PIBF1: variants seen among roughly 807,000 people sequenced by gnomAD.
PIBF1 encodes progesterone-induced-blocking factor 1.
A neutral mutation model predicts 112.5 loss-of-function variants in PIBF1; 90 were observed. The observed-to-expected ratio is 0.80, with a 90% CI of 0.67 to 0.95. The LOEUF (loss-of-function observed/expected upper bound fraction) is 0.95, where lower values mean the gene tolerates loss of function less well. Ranked by LOEUF, PIBF1 falls within the 40% of genes least tolerant of loss-of-function variation. PIBF1 has a pLI of 0.00. For missense variants in PIBF1, 915 were observed against 852.3 expected (o/e 1.07, Z -0.92); for synonymous variants, 301 against 288.6 (o/e 1.04, Z -0.44).
At chr13:72,995,908 C>A (rs1242452765) in intron 16 of PIBF1, among the ~76,000 whole-genome samples, 1 of 149,586 alleles carries the variant, frequency 6.7e-6, no homozygotes, top group Non-Finnish European at 1.5e-5. Flanking sequence ...GAGATCTTGC[C>A]ACTGCACTCC....
At chr13:72,986,130 T>G (rs1373729656) in intron 16 of PIBF1, among the ~76,000 whole-genome samples, 1 of 151,896 alleles carries the variant, frequency 6.6e-6, no homozygotes, top group Non-Finnish European at 1.5e-5. Context: ...ACCACTGCAC[T>G]CCAGCCTGGG....
In PIBF1 at chr13:72,961,514, A is replaced by G. The variant is rs147220756; in HGVS notation, c.1834-3760A>G. Among the ~76,000 whole-genome samples, 1,224 of 152,310 alleles carry G rather than the reference A, an allele frequency of 8.0e-3. 14 individuals are homozygous for G. The highest frequency in any genetic ancestry group is 0.028 in the African/African-American group (1,151 of 41,580). On this transcript the variant is annotated intron_variant, in intron 14 of 17. Transcript: ENST00000326291. Reference sequence around the variant, plus strand: ...AGGAAAACAGTAAATCTTTAATGGAACTTTTTAGCAATTATGACAAAAAGA... The same window carrying G: ...AGGAAAACAGTAAATCTTTAATGGAGCTTTTTAGCAATTATGACAAAAAGA...
intron 13 of PIBF1, among the ~76,000 whole-genome samples, chr13:72,920,111 G>C (rs2041237729): frequency 6.6e-6 from 1 of 152,138 alleles, no homozygotes; most frequent in African/African-American, 2.4e-5. Flanking sequence ...TTTAAAAATA[G>C]AGGTTGGTTT....
intron 9 of PIBF1, among the ~76,000 whole-genome samples, chr13:72,853,496 A>C (rs928311666): frequency 6.6e-6 from 1 of 152,100 alleles, no homozygotes; most frequent in Non-Finnish European, 1.5e-5. Context: ...TTACACTTTG[A>C]CTTAATCTGT....
chr13:72,828,186 T>C (rs768970675), intron 8 of PIBF1, among the ~76,000 whole-genome samples: 18 of 152,018 alleles, frequency 1.2e-4, no homozygotes, highest in Non-Finnish European at 2.6e-4. Context: ...TTGAATACAG[T>C]AATGAGCTGA....
chr13:72,816,537 T>C (rs1445194954), intron 5 of PIBF1, among the ~76,000 whole-genome samples: 1 of 151,926 alleles, frequency 6.6e-6, no homozygotes. Flanking sequence ...GTGGCATGCC[T>C]GTAGACCCAG....
At chr13:72,931,740 A>ATATATATATATATATATATG (rs1342426606) in intron 14 of PIBF1, among the ~76,000 whole-genome samples, 14 of 143,660 alleles carry the variant, frequency 9.7e-5, no homozygotes, top group Non-Finnish European at 1.2e-4. Flanking sequence ...ATATATATAT[A>ATATATATATATATATATATG]TATGTATGCA....
chr13:72,953,762 A>G (rs1306380677), intron 14 of PIBF1, among the ~76,000 whole-genome samples: 2 of 152,094 alleles, frequency 1.3e-5, no homozygotes, highest in Admixed American at 1.3e-4. Flanking sequence ...AGGTGTCATA[A>G]TGGGCTGTGC....
intron 10 of PIBF1, among the ~76,000 whole-genome samples, chr13:72,863,776 C>T (rs572937878): frequency 5.4e-4 from 82 of 152,156 alleles, no homozygotes; most frequent in African/African-American, 1.9e-3. Context: ...AATTCAGAAC[C>T]TTGAGAATCC....
intron 16 of PIBF1, among the ~76,000 whole-genome samples, chr13:72,987,723 G>T (rs1452943631): frequency 6.1e-5 from 9 of 148,600 alleles, no homozygotes; most frequent in Admixed American, 4.7e-4. Context: ...TGTTGCCCAG[G>T]CTGGTCTCAA....
intron 10 of PIBF1, among the ~76,000 whole-genome samples, chr13:72,872,363 G>A (rs2039203377): frequency 6.6e-6 from 1 of 152,160 alleles, no homozygotes; most frequent in African/African-American, 2.4e-5. Context: ...TGATTCATGT[G>A]TTAATGAAGG....
chr13:72,871,887 T>C (rs2039181376), intron 10 of PIBF1, among the ~76,000 whole-genome samples: 1 of 152,196 alleles, frequency 6.6e-6, no homozygotes, highest in African/African-American at 2.4e-5. Flanking sequence ...GAATGCTTAT[T>C]TTAATAAAGC....
intron 16 of PIBF1, among the ~76,000 whole-genome samples, chr13:72,997,432 A>G (rs1465382858): frequency 6.6e-6 from 1 of 152,228 alleles, no homozygotes; most frequent in African/African-American, 2.4e-5. Flanking sequence ...CTGCAAGTAT[A>G]TGCATTCTCA....
intron 10 of PIBF1, among the ~76,000 whole-genome samples, chr13:72,884,933 G>A (rs966167734): frequency 2.0e-5 from 3 of 152,028 alleles, no homozygotes; most frequent in Non-Finnish European, 4.4e-5. Context: ...TTCTTATTAT[G>A]TCTTCTATTT....
chr13:72,971,862 C>T (rs1200931158), intron 15 of PIBF1, among the ~76,000 whole-genome samples: 2 of 151,256 alleles, frequency 1.3e-5, no homozygotes, highest in African/African-American at 4.9e-5. Context: ...GCTTCCTTCT[C>T]GATTACTTGG....
chr13:72,929,057 C>T (rs911384462), intron 13 of PIBF1, among the ~76,000 whole-genome samples: 4 of 152,064 alleles, frequency 2.6e-5, no homozygotes, highest in African/African-American at 9.7e-5. Context: ...TCTACACCTT[C>T]AACATATTTA....
chr13:72,885,561 T>C (rs900883414), intron 10 of PIBF1, among the ~76,000 whole-genome samples: 40 of 152,156 alleles, frequency 2.6e-4, no homozygotes, highest in African/African-American at 9.2e-4. Flanking sequence ...GAATATTTAC[T>C]AGATCCTAGG....
rs544801610 is a variant in PIBF1 at position 72,956,256 on chromosome 13, A to G, written c.1834-9018A>G. On this transcript the variant is annotated intron_variant, in intron 14 of 17. Coordinates refer to ENST00000326291, the MANE Select transcript of PIBF1 (RefSeq NM_006346.4). ...CATTGCAGATCACTTCTAATCCCAAAGCTATCAATTCTATTATCTGTCTCC... is the reference window on the plus strand; with the variant it reads ...CATTGCAGATCACTTCTAATCCCAAGGCTATCAATTCTATTATCTGTCTCC... Among the ~76,000 whole-genome samples, 4 of 152,124 alleles carry G rather than the reference A, an allele frequency of 2.6e-5. No homozygotes were observed. The East Asian group carries it at 7.8e-4, about 30-fold the overall frequency.
chr13:72,897,201 A>G (rs1292921793), intron 11 of PIBF1, among the ~76,000 whole-genome samples: 1 of 152,220 alleles, frequency 6.6e-6, no homozygotes, highest in African/African-American at 2.4e-5. Context: ...TAGTGAAACT[A>G]AGCATCATAA....
Sources: allele counts gnomAD v4.1 joint callset (sites outside exome capture counted in the v4.1 genomes callset), GRCh38; gene constraint gnomAD v4.1.1; transcripts MANE v1.5; gene names NCBI Gene and HGNC (gene_info 2026-07-23, HGNC 2026-07-21).